Variants in MKKS observed in about 807,000 individuals in gnomAD.
The protein encoded by MKKS is MKKS centrosomal shuttling protein.
MKKS carries 29 observed loss-of-function variants against 33.2 expected under a neutral mutation model. That is an observed-to-expected ratio of 0.87 (90% CI 0.65 to 1.19). MKKS has a LOEUF of 1.19. MKKS is among the 50% of genes most tolerant of loss of function. The pLI is 0.00. For synonymous variants in MKKS, 260 were observed against 244.0 expected (o/e 1.07, Z -0.61); for missense variants, 661 against 662.3 (o/e 1.00, Z 0.02).
At chr20:10,433,931 G>A (rs1043930516) in intron 1 of MKKS, among the ~76,000 whole-genome samples, 177 bp downstream of exon 1, 5 of 152,192 alleles carry the variant, frequency 3.3e-5, no homozygotes, top group African/African-American at 1.2e-4. Context: ...TATTTCAGAG[G>A]TCGGTCTTTC....
chr20:10,412,899 C>A lies in MKKS; in HGVS notation c.616G>T (p.Gly206Cys). 6.2e-7 allele frequency: 1 copy of A among 1,613,728 alleles called. No homozygotes were observed. The highest frequency in any genetic ancestry group is 8.5e-7 in the Non-Finnish European group (1 of 1,179,842). ...ACAGTGGAATCTATAACTCTTTGACCTTTTAAAGGTACAATTAAACTCTTT... is the reference window on the plus strand; with the variant it reads ...ACAGTGGAATCTATAACTCTTTGACATTTTAAAGGTACAATTAAACTCTTT... The part of the protein sequence containing the change: ...LGKSLIVPLK[G>C]QRVIDSTVLP... Residue 206 changes from glycine (G) to cysteine (C), a missense_variant, in exon 3 of 6, where the codon GGT becomes TGT. By Grantham distance (159) the Gly-to-Cys change is radical. Coordinates refer to ENST00000347364, the MANE Select transcript of MKKS (RefSeq NM_170784.3).
At position 10,413,683 on chromosome 20, in the gene MKKS, C is replaced by A; in HGVS notation, c.-169G>T. ...AAAGTTCAATGTTTATGAAGCTAAT[C>A]AGCATAGAATGATTTAATGACAAAT... is the stretch of plus-strand genomic sequence containing the variant. On this transcript the variant is annotated 5_prime_UTR_variant, in exon 3 of 6. Transcript: ENST00000347364. 1 of 687,488 alleles carries A rather than the reference C, an allele frequency of 1.5e-6. No homozygotes were observed. Among genetic ancestry groups the A allele is most frequent in the Non-Finnish European group, 2.5e-6 (1 of 407,294 alleles). The allele number at this position is 687,488 out of a possible 1,614,324, so 42.6% of individuals were successfully genotyped here. A position where few individuals can be genotyped will look rare whatever the true frequency, so the allele number is the denominator to read the frequency against.
chr20:10,433,135 C>G (rs900363806), intron 1 of MKKS, among the ~76,000 whole-genome samples: 4 of 152,260 alleles, frequency 2.6e-5, no homozygotes, highest in African/African-American at 7.2e-5. Flanking sequence ...TCCCAAGTAG[C>G]TGGGATTACA....
At chr20:10,406,830 T>C (rs1427584759) in intron 5 of MKKS, among the ~76,000 whole-genome samples, 1 of 152,234 alleles carries the variant, frequency 6.6e-6, no homozygotes, top group East Asian at 1.9e-4. Context: ...CCATAATGTA[T>C]ATTCTGATAA....
At chr20:10,424,184 T>G (rs548576202) in intron 1 of MKKS, among the ~76,000 whole-genome samples, 1 of 152,044 alleles carries the variant, frequency 6.6e-6, no homozygotes, top group African/African-American at 2.4e-5. Context: ...CAAGATGGAA[T>G]TAGCACTTTA....
intron 5 of MKKS, 108 bp from the exon 6 acceptor site, chr20:10,405,795 C>G: frequency 8.8e-7 from 1 of 1,130,284 alleles, no homozygotes; most frequent in Non-Finnish European, 1.3e-6. Flanking sequence ...TAATTACTTA[C>G]TTTCATTTAA....
Position 10,433,556 on chromosome 20 carries a change from T to C in MKKS, c.-649+552A>G, listed in dbSNP as rs2065071065. On this transcript the variant is annotated intron_variant, in intron 1 of 5. Transcript: ENST00000347364. ...CTGAAACGGCAACAGGATTTGGGTA[T>C]GGTCTTATCGGGGAGGAAGACGAGC... 2.0e-5 allele frequency among the ~76,000 whole-genome samples: 3 copies of C among 152,180 alleles called. No homozygotes were observed. In the South Asian group the frequency reaches 6.2e-4, roughly 31 times the overall value.
chr20:10,418,577 C>T (rs1237945155), intron 2 of MKKS, among the ~76,000 whole-genome samples: 2 of 152,166 alleles, frequency 1.3e-5, no homozygotes, highest in East Asian at 3.9e-4. Context: ...AAATGTTAGC[C>T]TCTAAAACTT....
At chr20:10,416,365 T>C (rs2064939112) in intron 2 of MKKS, among the ~76,000 whole-genome samples, 1 of 152,106 alleles carries the variant, frequency 6.6e-6, no homozygotes, top group African/African-American at 2.4e-5. Context: ...GGTCCTTTTC[T>C]GCCCAAAAGT....
In MKKS at chr20:10,412,990, A is replaced by C. The variant is rs745771800; in HGVS notation, c.525T>G (p.Ser175Arg). The C allele has an allele frequency of 2.5e-6, 4 of 1,614,008 alleles. No homozygotes were observed. The highest frequency in any genetic ancestry group is 3.4e-6 in the Non-Finnish European group (4 of 1,180,054). Residue 175 changes from serine to arginine, a missense_variant, in exon 3 of 6, where the codon AGT becomes AGG. By Grantham distance (110) the Ser-to-Arg change is moderately radical (BLOSUM62 -1). Transcript: ENST00000347364. ...MLTRKETEHV[S>R]ALILRAFLLT... ...GCAAAAAGGCTCTCAGGATCAAAGC[A>C]CTGACATGCTCTGTTTCCTTTCTGG...
At chr20:10,431,302 A>C (rs1223833592) in intron 1 of MKKS, among the ~76,000 whole-genome samples, 1 of 152,166 alleles carries the variant, frequency 6.6e-6, no homozygotes, top group African/African-American at 2.4e-5. Context: ...CATGTATCCC[A>C]CATTCACAAT....
chr20:10,414,175 G>A (rs1351402796), intron 2 of MKKS, among the ~76,000 whole-genome samples: 1 of 151,890 alleles, frequency 6.6e-6, no homozygotes, highest in Non-Finnish European at 1.5e-5. Context: ...CAACAACATG[G>A]CTAGAAAGCT....
At chr20:10,414,282 T>TTTTTTTG (rs2064920636) in intron 2 of MKKS, among the ~76,000 whole-genome samples, 1 of 150,942 alleles carries the variant, frequency 6.6e-6, no homozygotes. Flanking sequence ...TTTTTTTTTT[T>TTTTTTTG]GAGATGGAGT....
intron 4 of MKKS, among the ~76,000 whole-genome samples, chr20:10,408,130 T>G (rs1568664028): frequency 1.3e-5 from 2 of 152,154 alleles, no homozygotes; most frequent in African/African-American, 4.8e-5. Flanking sequence ...CAATAATAAA[T>G]AAAAAATCAC....
At chr20:10,422,583 T>C (rs977567347) in intron 1 of MKKS, among the ~76,000 whole-genome samples, 2 of 152,200 alleles carry the variant, frequency 1.3e-5, no homozygotes, top group Non-Finnish European at 2.9e-5. Flanking sequence ...TTGATTGACA[T>C]ATGGCATTCT....
chr20:10,419,607 A>G (rs1333272286), intron 2 of MKKS, among the ~76,000 whole-genome samples: 4 of 152,192 alleles, frequency 2.6e-5, no homozygotes, highest in African/African-American at 7.2e-5. Flanking sequence ...GATAAAGTTC[A>G]ATTTATAAAT....
chr20:10,404,236 G>A lies in MKKS; in HGVS notation c.*1011C>T, dbSNP rs1261294268. On this transcript the variant is annotated 3_prime_UTR_variant, in exon 6 of 6. Transcript: ENST00000347364. ...TTTCTACTTTCTTTTTCATACTATT[G>A]ACTAGAGAAATAACTTCCCCTTCCC... The A allele has an allele frequency of 6.7e-6, 1 of 150,166 alleles. No homozygotes were observed. The highest frequency in any genetic ancestry group is 1.5e-5 in the Non-Finnish European group (1 of 67,738). The allele number at this position is 150,166 out of a possible 1,614,324, so 9.3% of individuals were successfully genotyped here.
chr20:10,407,977 T>G (rs1178797939), intron 4 of MKKS, among the ~76,000 whole-genome samples: 1 of 152,198 alleles, frequency 6.6e-6, no homozygotes, highest in Non-Finnish European at 1.5e-5. Flanking sequence ...CATATACACT[T>G]AGCTCTTCAA....
rs2064831543 is a variant in MKKS at position 10,405,092 on chromosome 20, C to A, written c.*155G>T. 3 of 562,692 alleles carry A rather than the reference C, an allele frequency of 5.3e-6. No homozygotes were observed. The highest frequency in any genetic ancestry group is 1.9e-5 in the African/African-American group (1 of 53,266). The allele number at this position is 562,692 out of a possible 1,614,324, so 34.9% of individuals were successfully genotyped here. ...CATGGCATTTCCATTCACGAATCAC[C>A]TTTTTTCCTAAATAAGTGTATCTAT... On this transcript the variant is annotated 3_prime_UTR_variant, in exon 6 of 6. Transcript: ENST00000347364.
Sources: gnomAD v4.1 joint callset for allele counts (sites outside exome capture counted in the v4.1 genomes callset) on GRCh38, gnomAD v4.1.1 for gene constraint, MANE v1.5 for transcripts, NCBI Gene and HGNC (gene_info 2026-07-23, HGNC 2026-07-21) for gene names.